Variants in B3GALT1 observed in about 807,000 individuals in gnomAD.
B3GALT1 encodes UDP-Gal:betaGlcNAc beta 1,3-galactosyltransferase, polypeptide 1.
B3GALT1 carries 10 observed loss-of-function variants against 23.2 expected under a neutral mutation model. The ratio of observed to expected loss-of-function variants is 0.43; its 90% confidence interval spans 0.27 to 0.73. The LOEUF is 0.73. Ranked by LOEUF, B3GALT1 falls within the 30% of genes least tolerant of loss-of-function variation. The probability of loss-of-function intolerance (pLI) is 0.21; values close to 1 mark genes in which losing one functional copy is unlikely to be tolerated. For synonymous variants in B3GALT1, 156 were observed against 141.5 expected, an observed-to-expected ratio of 1.10 and a Z score of -0.73; for missense variants, 299 against 405.4, an observed-to-expected ratio of 0.74 and a Z score of 2.25.
chr2:167,789,529 C>A (rs951464629), intron 3 of B3GALT1, among the ~76,000 whole-genome samples: 9 of 152,042 alleles, frequency 5.9e-5, no homozygotes, highest in African/African-American at 2.2e-4. Context: ...CGGTGGATTC[C>A]AATATAATAA....
chr2:167,805,141 G>C (rs1688725503), intron 3 of B3GALT1, among the ~76,000 whole-genome samples: 1 of 152,188 alleles, frequency 6.6e-6, no homozygotes, highest in African/African-American at 2.4e-5. Context: ...AGAAGTGTCT[G>C]TTCATATCCT....
intron 2 of B3GALT1, among the ~76,000 whole-genome samples, chr2:167,550,476 A>G (rs976301172): frequency 6.6e-6 from 1 of 152,350 alleles, no homozygotes; most frequent in South Asian, 2.1e-4. Flanking sequence ...CCATTCTATG[A>G]TAACAACTGG....
At position 167,826,379 on chromosome 2, in the gene B3GALT1, C is replaced by G. The variant is rs1689225792; in HGVS notation, c.-230+7586C>G. ...ATTTGGTCCCTGATCTCTCTTGGGA[C>G]AGCTCCCCAAGCAACTGAACCAGAG... On this transcript the variant is annotated intron_variant, in intron 4 of 4. Transcript: ENST00000392690. Among the ~76,000 whole-genome samples the G allele has an allele frequency of 3.9e-5, 6 of 152,218 alleles. No individual in the cohort carries two copies. The South Asian group carries it at 1.2e-3, about 32-fold the overall frequency.
chr2:167,548,718 A>ATGTG lies in B3GALT1; in HGVS notation c.-410+58447_-410+58450dup, dbSNP rs1683693823. On this transcript the variant is annotated intron_variant, in intron 2 of 4. Transcript: ENST00000392690. The stretch of plus-strand genomic sequence containing the variant: ...TGTGTGTGTGTGTGTGTGTGTGTGT[A>ATGTG]TGTGTGTGTCTATGTATGAAATAAA... 3.4e-5 allele frequency among the ~76,000 whole-genome samples: 3 copies of ATGTG among 89,334 alleles called. No individual in the cohort carries two copies. In the South Asian group the frequency reaches 1.3e-3, roughly 38 times the overall value. The allele number at this position is 89,334 out of a possible 152,430, so 58.6% of individuals were successfully genotyped here. A position where few individuals can be genotyped will look rare whatever the true frequency, so the allele number is the denominator to read the frequency against.
chr2:167,483,571 A>G (rs748447999), intron 1 of B3GALT1, among the ~76,000 whole-genome samples: 4 of 152,222 alleles, frequency 2.6e-5, no homozygotes, highest in Non-Finnish European at 5.9e-5. Context: ...TGAGTCAGGA[A>G]TGTTGAAATG....
intron 3 of B3GALT1, among the ~76,000 whole-genome samples, chr2:167,759,745 C>CG (rs1365579999): frequency 5.3e-5 from 8 of 151,952 alleles, no homozygotes; most frequent in Non-Finnish European, 1.2e-4. Context: ...GGCAACTCTG[C>CG]GGGGAAAAAC....
intron 2 of B3GALT1, among the ~76,000 whole-genome samples, chr2:167,493,194 C>CT (rs1234811666): frequency 1.3e-5 from 2 of 152,066 alleles, no homozygotes; most frequent in Admixed American, 1.3e-4. Context: ...CTTCATGAGC[C>CT]TTTCACATTA....
intron 2 of B3GALT1, among the ~76,000 whole-genome samples, chr2:167,492,920 A>G (rs535012204): frequency 6.6e-6 from 1 of 151,692 alleles, no homozygotes; most frequent in South Asian, 2.1e-4. Context: ...ATTCTCTGTT[A>G]TAGAAAGAGG....
chr2:167,471,995 C>T (rs947697816), intron 1 of B3GALT1, among the ~76,000 whole-genome samples: 6 of 152,180 alleles, frequency 3.9e-5, no homozygotes, highest in Admixed American at 2.6e-4. Context: ...ATTTCTTATA[C>T]TCTGTAGTAA....
chr2:167,736,557 T>C (rs1261683454), intron 3 of B3GALT1, among the ~76,000 whole-genome samples: 2 of 152,098 alleles, frequency 1.3e-5, no homozygotes, highest in Non-Finnish European at 2.9e-5. Flanking sequence ...ATTCAAAAGG[T>C]TGCAAAAATT....
chr2:167,825,441 TGTGTGTGTGTGTGTGCGTGCAC>T (rs1044138993), intron 4 of B3GALT1, among the ~76,000 whole-genome samples: 1 of 146,710 alleles, frequency 6.8e-6, no homozygotes, highest in Non-Finnish European at 1.5e-5. Flanking sequence ...TGCAGGGGTG[TGTGTGTGTGTGTGTGCGTGCAC>T]GTGTGTGTGT....
chr2:167,583,641 T>G (rs551331063), intron 2 of B3GALT1, among the ~76,000 whole-genome samples: 1 of 152,244 alleles, frequency 6.6e-6, no homozygotes, highest in African/African-American at 2.4e-5. Flanking sequence ...TAAAACTTGA[T>G]GTCAGCATTC....
intron 3 of B3GALT1, among the ~76,000 whole-genome samples, chr2:167,763,842 A>G (rs1687933651): frequency 6.6e-6 from 1 of 152,130 alleles, no homozygotes; most frequent in African/African-American, 2.4e-5. Flanking sequence ...AAGAGCATCA[A>G]AGGAAAACAT....
chr2:167,381,604 A>G (rs920278648), intron 1 of B3GALT1, among the ~76,000 whole-genome samples: 3 of 152,152 alleles, frequency 2.0e-5, no homozygotes, highest in African/African-American at 7.2e-5. Context: ...CAATGATCTA[A>G]GTGATACCTA....
At chr2:167,445,437 A>T (rs1443090118) in intron 1 of B3GALT1, among the ~76,000 whole-genome samples, 1 of 152,156 alleles carries the variant, frequency 6.6e-6, no homozygotes, top group African/African-American at 2.4e-5. Context: ...TTTCTGTCTC[A>T]TTGATCTGTC....
intron 4 of B3GALT1, among the ~76,000 whole-genome samples, chr2:167,835,078 C>T (rs182543106): frequency 1.3e-5 from 2 of 152,138 alleles, no homozygotes; most frequent in African/African-American, 4.8e-5. Context: ...GGAACAGCTC[C>T]GGTCTACAGC....
chr2:167,651,386 C>A (rs1203496589), intron 3 of B3GALT1, among the ~76,000 whole-genome samples: 1 of 152,100 alleles, frequency 6.6e-6, no homozygotes, highest in African/African-American at 2.4e-5. Context: ...ACCCATACCC[C>A]AAAACTGTCT....
At chr2:167,354,570 C>T (rs1057514215) in intron 1 of B3GALT1, among the ~76,000 whole-genome samples, 1 of 152,094 alleles carries the variant, frequency 6.6e-6, no homozygotes, top group Non-Finnish European at 1.5e-5. Flanking sequence ...TGGTCTCGGT[C>T]TGTTGACCTC....
chr2:167,471,167 G>A (rs896348831), intron 1 of B3GALT1, among the ~76,000 whole-genome samples: 1 of 152,078 alleles, frequency 6.6e-6, no homozygotes, highest in Non-Finnish European at 1.5e-5. Flanking sequence ...TTCCTAAAAA[G>A]GCCTGTGGGA....
Sources: allele counts gnomAD v4.1 joint callset (sites outside exome capture counted in the v4.1 genomes callset), GRCh38; gene constraint gnomAD v4.1.1; transcripts MANE v1.5; gene names NCBI Gene and HGNC (gene_info 2026-07-23, HGNC 2026-07-21).